The following EIF4G3 variants were observed in gnomAD, a reference collection of about 807,000 sequenced individuals.
EIF4G3 encodes eukaryotic translation initiation factor 4 gamma 3, also known as eIF-4-gamma 3.
A neutral mutation model predicts 186.4 loss-of-function variants in EIF4G3; 34 were observed. The observed-to-expected ratio is 0.18, with a 90% CI of 0.14 to 0.24. The LOEUF is 0.24. Ranked by LOEUF, EIF4G3 falls within the 10% of genes least tolerant of loss-of-function variation. The pLI is 1.00. For synonymous variants in EIF4G3, 673 were observed against 679.5 expected, an observed-to-expected ratio of 0.99 and a Z score of 0.15; for missense variants, 1,536 against 1,948.5, an observed-to-expected ratio of 0.79 and a Z score of 3.99.
chr1:20,944,563 G>A lies in EIF4G3; in HGVS notation c.824-2233C>T, dbSNP rs561998095. Among the ~76,000 whole-genome samples the A allele has an allele frequency of 1.5e-4, 23 of 151,580 alleles. No individual in the cohort carries two copies. In the South Asian group the frequency reaches 2.9e-3, roughly 19 times the overall value. On this transcript the variant is annotated intron_variant, in intron 13 of 36. Transcript: ENST00000602326. ...GTGGGGAGAAGGAGAGAGGGGGAGC[G>A]GGGTGGGGGGACAGAGAGAGAGAGA...
At chr1:21,019,820 C>G (rs1403360673) in intron 4 of EIF4G3, among the ~76,000 whole-genome samples, 1 of 152,128 alleles carries the variant, frequency 6.6e-6, no homozygotes, top group Non-Finnish European at 1.5e-5. Flanking sequence ...GGAGGCAGAG[C>G]TTGCAGTGAG....
intron 25 of EIF4G3, among the ~76,000 whole-genome samples, chr1:20,857,162 CAAAAA>C (rs577290987): frequency 6.3e-5 from 3 of 47,364 alleles, no homozygotes; most frequent in South Asian, 2.5e-3. Flanking sequence ...GACTCCATCT[CAAAAA>C]AAAAAAAAAA....
chr1:20,841,153 C>A, intron 29 of EIF4G3, 125 bp from the exon 30 acceptor site: 1 of 890,014 alleles, frequency 1.1e-6, no homozygotes. Context: ...GGACAGTTTT[C>A]AAATATAAGT....
chr1:20,906,583 T>C (rs1422997629), intron 14 of EIF4G3, among the ~76,000 whole-genome samples: 1 of 152,130 alleles, frequency 6.6e-6, no homozygotes, highest in Non-Finnish European at 1.5e-5. Flanking sequence ...TCCACAAATA[T>C]ATCAAATATA....
At chr1:21,076,820 A>T (rs1403396654) in intron 3 of EIF4G3, among the ~76,000 whole-genome samples, 1 of 152,192 alleles carries the variant, frequency 6.6e-6, no homozygotes, top group Non-Finnish European at 1.5e-5. Flanking sequence ...AAATGTTAAG[A>T]TCTGAAACCA....
chr1:20,856,093 T>C (rs2074817899), intron 25 of EIF4G3, among the ~76,000 whole-genome samples: 2 of 152,190 alleles, frequency 1.3e-5, no homozygotes, highest in Admixed American at 1.3e-4. Context: ...AAGACTCAAA[T>C]TGTATTCAGC....
intron 33 of EIF4G3, 47 bp from the exon 34 acceptor site, chr1:20,817,585 T>C (rs1475108561): frequency 6.3e-6 from 8 of 1,271,592 alleles, no homozygotes; most frequent in East Asian, 2.8e-5. Context: ...TATAATTCTA[T>C]GTTATTGTCA....
chr1:20,880,713 T>G (rs1240119586), intron 19 of EIF4G3, among the ~76,000 whole-genome samples: 1 of 152,130 alleles, frequency 6.6e-6, no homozygotes, highest in Non-Finnish European at 1.5e-5. Flanking sequence ...ATCGCACCAC[T>G]GCACTGCAGC....
At position 20,849,396 on chromosome 1, in the gene EIF4G3, T is replaced by C; in HGVS notation, c.3888+19A>G. ...CAAAGGACTTACTGTGTGTGTGTTT[T>C]TTTTTTAATCTCATTTACCTTAAAA... is the stretch of plus-strand genomic sequence containing the variant. On this transcript the variant is annotated intron_variant, in intron 29 of 36. Transcript: ENST00000602326. 2 of 1,370,936 alleles carry C rather than the reference T, an allele frequency of 1.5e-6. No homozygotes were observed. Among genetic ancestry groups the C allele is most frequent in the Non-Finnish European group, 2.0e-6 (2 of 999,696 alleles). 84.9% of individuals were successfully genotyped at this position (1,370,936 alleles called of 1,614,324 possible).
At chr1:20,892,000 T>C (rs2086248371) in intron 18 of EIF4G3, among the ~76,000 whole-genome samples, 1 of 152,140 alleles carries the variant, frequency 6.6e-6, no homozygotes, top group African/African-American at 2.4e-5. Flanking sequence ...CAGGTGGTTT[T>C]CGGTAGTTTT....
intron 10 of EIF4G3, among the ~76,000 whole-genome samples, chr1:20,974,970 T>C (rs890997687): frequency 3.9e-5 from 6 of 152,162 alleles, no homozygotes; most frequent in African/African-American, 1.4e-4. Flanking sequence ...CCACTTTCAT[T>C]ATCACCATCA....
At chr1:21,131,332 A>T (rs2102505418) in intron 2 of EIF4G3, among the ~76,000 whole-genome samples, 1 of 151,746 alleles carries the variant, frequency 6.6e-6, no homozygotes, top group South Asian at 2.1e-4. Context: ...AAAAAAAAAA[A>T]AGAGGTTCCA....
At chr1:20,851,737 G>T (rs1571643899) in intron 27 of EIF4G3, among the ~76,000 whole-genome samples, 1 of 152,140 alleles carries the variant, frequency 6.6e-6, no homozygotes, top group Non-Finnish European at 1.5e-5. Flanking sequence ...GTCAGTGGTG[G>T]CCAGGCATGG....
chr1:21,108,677 G>A (rs941462533), intron 2 of EIF4G3, among the ~76,000 whole-genome samples: 3 of 151,988 alleles, frequency 2.0e-5, no homozygotes, highest in African/African-American at 4.8e-5. Context: ...GCCAAGGCAA[G>A]CAGATTACCT....
intron 2 of EIF4G3, among the ~76,000 whole-genome samples, chr1:21,143,823 G>A (rs760103562): frequency 6.6e-6 from 1 of 152,126 alleles, no homozygotes; most frequent in Non-Finnish European, 1.5e-5. Flanking sequence ...GCAGGAGGCT[G>A]AGGCACCAGA....
intron 2 of EIF4G3, among the ~76,000 whole-genome samples, chr1:21,167,761 GA>G (rs35122671): frequency 1.6e-4 from 24 of 147,268 alleles, no homozygotes; most frequent in Admixed American, 1.4e-3. Flanking sequence ...CCGTCACAAA[GA>G]AAAAAAAAAT....
At chr1:20,944,234 G>A (rs1307503392) in intron 13 of EIF4G3, among the ~76,000 whole-genome samples, 3 of 152,058 alleles carry the variant, frequency 2.0e-5, no homozygotes, top group East Asian at 1.9e-4. Flanking sequence ...TAAAAATAGG[G>A]CAGGGTGTGA....
chr1:21,045,167 T>A (rs930438976), intron 4 of EIF4G3, among the ~76,000 whole-genome samples: 3 of 151,990 alleles, frequency 2.0e-5, no homozygotes, highest in Admixed American at 6.6e-5. Flanking sequence ...GCTGGAGCAG[T>A]CAGTCAATGA....
intron 34 of EIF4G3, 103 bp downstream of exon 34, chr1:20,817,289 A>AATAAATAAAATAAAT: frequency 2.0e-5 from 6 of 295,658 alleles, no homozygotes; most frequent in South Asian, 3.1e-4. Flanking sequence ...AAAAAAAATA[A>AATAAATAAAATAAAT]AAATAAAAAT....
Sources: allele counts gnomAD v4.1 joint callset (sites outside exome capture counted in the v4.1 genomes callset), GRCh38; gene constraint gnomAD v4.1.1; transcripts MANE v1.5; gene names NCBI Gene and HGNC (gene_info 2026-07-23, HGNC 2026-07-21).